The following KCTD17 variants were observed in gnomAD, a reference collection of about 807,000 sequenced individuals.
KCTD17 encodes the protein BTB/POZ domain-containing protein KCTD17.
KCTD17 carries 20 observed loss-of-function variants against 41.5 expected under a neutral mutation model. That is an observed-to-expected ratio of 0.48 (90% CI 0.34 to 0.70). The LOEUF (loss-of-function observed/expected upper bound fraction) is 0.70, where lower values mean the gene tolerates loss of function less well. Among genes scored for constraint, KCTD17 ranks in the 30% least tolerant of loss-of-function variants. KCTD17 has a pLI of 0.01. For missense variants in KCTD17, 317 were observed against 427.2 expected (o/e 0.74, Z 2.27); for synonymous variants, 156 against 173.8 (o/e 0.90, Z 0.80).
intron 1 of KCTD17, 168 bp from the exon 2 acceptor site, chr22:37,052,932 C>T (rs1924665149): frequency 1.7e-6 from 1 of 603,114 alleles, no homozygotes; most frequent in Non-Finnish European, 3.0e-6. Flanking sequence ...GAGTCAGAAG[C>T]AGGGCTTGAA....
chr22:37,061,464 G>C lies in KCTD17; in HGVS notation c.785-75G>C, dbSNP rs1027290906. 2.0e-6 allele frequency: 3 copies of C among 1,534,296 alleles called. No homozygotes were observed. The highest frequency in any genetic ancestry group is 2.6e-6 in the Non-Finnish European group (3 of 1,143,430). ...CCCACTAACCCTGCCGGGCACCTCT[G>C]AGACTGGGCCCTGGCTGCAGGCCCT... On this transcript the variant is annotated intron_variant, in intron 7 of 8. Coordinates refer to ENST00000403888, the MANE Select transcript of KCTD17 (RefSeq NM_001282684.2). This position sits in a 1 kb window ranked among gnomAD's most constrained non-coding sequence, Gnocchi z 6.6.
At position 37,062,520 on chromosome 22, in the gene KCTD17, T is replaced by C. The variant is rs1925917025; in HGVS notation, c.876-5T>C. 2.5e-6 allele frequency: 4 copies of C among 1,612,542 alleles called. No individual in the cohort carries two copies. The highest frequency in any genetic ancestry group is 2.5e-6 in the Non-Finnish European group (3 of 1,179,552). ...CCTCCTGCCCTTCCCCTCTTTTTTT[T>C]CTAGCTGTTACAAGCCAGAGGCACC... On this transcript the variant is annotated splice_region_variant and splice_polypyrimidine_tract_variant and intron_variant, in intron 8 of 8. Transcript: ENST00000403888.
At chr22:37,054,509 G>C (rs1039234795) in intron 2 of KCTD17, among the ~76,000 whole-genome samples, 7 of 151,972 alleles carry the variant, frequency 4.6e-5, no homozygotes, top group Non-Finnish European at 7.4e-5. Context: ...GATCACGCAG[G>C]GCTATCCGGG....
rs1925673185 is a variant in KCTD17 at position 37,060,689 on chromosome 22, G to T, written c.613-134G>T. 3 of 1,314,912 alleles carry T rather than the reference G, an allele frequency of 2.3e-6. No homozygotes were observed. In the East Asian group the frequency reaches 8.2e-5, roughly 36 times the overall value. 81.5% of individuals were successfully genotyped at this position (1,314,912 alleles called of 1,614,324 possible). A position where few individuals can be genotyped will look rare whatever the true frequency, so the allele number is the denominator to read the frequency against. On this transcript the variant is annotated intron_variant, in intron 5 of 8. Transcript: ENST00000403888. ...CGGAGAAGATGCCCCCAGCTTCTGT[G>T]GCTGGAGCCCTCCCCTCTCCTGAGG...
chr22:37,060,700 T>A lies in KCTD17; in HGVS notation c.613-123T>A, dbSNP rs865995763. ...CCCCCAGCTTCTGTGGCTGGAGCCCTCCCCTCTCCTGAGGTCCCTTTCACC... is the reference window on the plus strand; with the variant it reads ...CCCCCAGCTTCTGTGGCTGGAGCCCACCCCTCTCCTGAGGTCCCTTTCACC... On this transcript the variant is annotated intron_variant, in intron 5 of 8. Coordinates refer to ENST00000403888, the MANE Select transcript of KCTD17 (RefSeq NM_001282684.2). 6.4e-5 allele frequency: 87 copies of A among 1,357,256 alleles called. 1 individual carries two copies. The South Asian group carries it at 1.1e-3, about 17-fold the overall frequency. The allele number at this position is 1,357,256 out of a possible 1,614,324, so 84.1% of individuals were successfully genotyped here.
At chr22:37,059,472 A>C (rs146468443) in intron 5 of KCTD17, 34 bp downstream of exon 5, 1 of 1,584,542 alleles carries the variant, frequency 6.3e-7, no homozygotes, top group South Asian at 1.1e-5. Context: ...TGTCCGGAGA[A>C]GTCTCCTGTC....
At chr22:37,052,263 AG>A in intron 1 of KCTD17, 1 of 400,602 alleles carries the variant, frequency 2.5e-6, no homozygotes, top group South Asian at 2.3e-5. Context: ...TCCCTCCCAA[AG>A]GGGACTCCTG....
intron 4 of KCTD17, among the ~76,000 whole-genome samples, chr22:37,058,930 C>T (rs1925449091): frequency 6.6e-6 from 1 of 152,230 alleles, no homozygotes; most frequent in African/African-American, 2.4e-5. Context: ...TGTCCTGGGG[C>T]TGTGTCAGCC....
chr22:37,061,164 T>G lies in KCTD17; in HGVS notation c.773T>G (p.Leu258Arg), dbSNP rs1169925924. ...FSLPPLPPPP[L>R]PAGGSRPHPL... ...CTCCCACCACTGCCTCCTCCTCCGC[T>G]TCCCGCTGGAGGTCCTGCCTCATCT... The change falls in exon 7 of 9, where the codon CTT becomes CGT. Residue 258 changes from leucine to arginine, a missense_variant. Coordinates refer to ENST00000403888, the MANE Select transcript of KCTD17 (RefSeq NM_001282684.2). This position sits in a 1 kb window ranked among gnomAD's most constrained non-coding sequence, Gnocchi z 6.6. 4 of 1,550,918 alleles carry G rather than the reference T, an allele frequency of 2.6e-6. No individual in the cohort carries two copies. The highest frequency in any genetic ancestry group is 1.7e-4 in the Middle Eastern group (1 of 5,992).
intron 5 of KCTD17, among the ~76,000 whole-genome samples, chr22:37,060,369 C>T (rs989063872): frequency 6.6e-6 from 1 of 152,120 alleles, no homozygotes; most frequent in South Asian, 2.1e-4. Context: ...CCTTCTGCCT[C>T]TTTGGGCCAA....
rs1156247404 is a variant in KCTD17 at position 37,052,334 on chromosome 22, G to A, written c.189+385G>A. On this transcript the variant is annotated intron_variant, in intron 1 of 8. Transcript: ENST00000403888. The stretch of plus-strand genomic sequence containing the variant: ...GCTCTTTGGGATGTGGGTGGCGGAG[G>A]GGTGCAGGGAGCTAGCTGGATGGAG... The A allele has an allele frequency of 1.4e-5, 5 of 356,856 alleles. No individual in the cohort carries two copies. The East Asian group carries it at 3.6e-4, about 26-fold the overall frequency. 22.1% of individuals were successfully genotyped at this position (356,856 alleles called of 1,614,324 possible).
At chr22:37,059,935 C>T (rs1925581716) in intron 5 of KCTD17, among the ~76,000 whole-genome samples, 2 of 152,218 alleles carry the variant, frequency 1.3e-5, no homozygotes, top group Admixed American at 1.3e-4. Flanking sequence ...GATGAGGAAG[C>T]CACCGCTGTA....
chr22:37,052,414 G>T, intron 1 of KCTD17: 1 of 415,758 alleles, frequency 2.4e-6, no homozygotes, highest in Non-Finnish European at 4.9e-6. Context: ...TTGGCCCAGC[G>T]GGCACTATTT....
chr22:37,059,560 A>T (rs746534079), intron 5 of KCTD17, 122 bp downstream of exon 5: 33 of 1,180,666 alleles, frequency 2.8e-5, no homozygotes, highest in Non-Finnish European at 3.7e-5. Flanking sequence ...GCCCATGCAC[A>T]ACCCCATGCT....
Position 37,061,468 on chromosome 22 carries a change from C to A in KCTD17, c.785-71C>A. On this transcript the variant is annotated intron_variant, in intron 7 of 8. Coordinates refer to ENST00000403888, the MANE Select transcript of KCTD17 (RefSeq NM_001282684.2). This position sits in a 1 kb window ranked among gnomAD's most constrained non-coding sequence, Gnocchi z 6.6. ...CTAACCCTGCCGGGCACCTCTGAGACTGGGCCCTGGCTGCAGGCCCTGCCC... is the reference window on the plus strand; with the variant it reads ...CTAACCCTGCCGGGCACCTCTGAGAATGGGCCCTGGCTGCAGGCCCTGCCC... 6.5e-7 allele frequency: 1 copy of A among 1,537,430 alleles called. No individual in the cohort carries two copies.
In KCTD17 at chr22:37,061,453, C is replaced by G; in HGVS notation, c.785-86C>G. On this transcript the variant is annotated intron_variant, in intron 7 of 8. Coordinates refer to ENST00000403888, the MANE Select transcript of KCTD17 (RefSeq NM_001282684.2). The surrounding 1 kb of genome is among the most constrained non-coding windows in gnomAD (Gnocchi z 6.6). ...CCTCCTCTGTGCCCACTAACCCTGC[C>G]GGGCACCTCTGAGACTGGGCCCTGG... 3 of 1,516,096 alleles carry G rather than the reference C, an allele frequency of 2.0e-6. No homozygotes were observed. The highest frequency in any genetic ancestry group is 2.0e-5 in the Admixed American group (1 of 50,676). The allele number at this position is 1,516,096 out of a possible 1,614,324, so 93.9% of individuals were successfully genotyped here. A position where few individuals can be genotyped will look rare whatever the true frequency, so the allele number is the denominator to read the frequency against.
rs781509283 is a variant in KCTD17, at chr22:37,061,192, A to C, written c.784+17A>C. The C allele has an allele frequency of 6.4e-7, 1 of 1,550,430 alleles. No homozygotes were observed. Among genetic ancestry groups the C allele is most frequent in the East Asian group, 2.4e-5 (1 of 40,854 alleles). ...CCGCTGGAGGTCCTGCCTCATCTTC[A>C]TCCACCTCTTCTTCCTCCTGGATCT... On this transcript the variant is annotated intron_variant, in intron 7 of 8. Transcript: ENST00000403888. The surrounding 1 kb of genome is among the most constrained non-coding windows in gnomAD (Gnocchi z 6.6).
In KCTD17 at chr22:37,061,736, A is replaced by T; in HGVS notation, c.875+107A>T. The T allele has an allele frequency of 6.8e-7, 1 of 1,474,156 alleles. No homozygotes were observed. Among genetic ancestry groups the T allele is most frequent in the Non-Finnish European group, 9.0e-7 (1 of 1,107,376 alleles). 91.3% of individuals were successfully genotyped at this position (1,474,156 alleles called of 1,614,324 possible). ...TCGGCTGATTATCTCCACCCACCAA[A>T]GTTTCTCATCCGACCTTGGCCTTGG... is the stretch of plus-strand genomic sequence containing the variant. On this transcript the variant is annotated intron_variant, in intron 8 of 8. Transcript: ENST00000403888. This position sits in a 1 kb window ranked among gnomAD's most constrained non-coding sequence, Gnocchi z 6.6.
At chr22:37,057,838 G>A (rs1173989860) in intron 4 of KCTD17, among the ~76,000 whole-genome samples, 1 of 152,222 alleles carries the variant, frequency 6.6e-6, no homozygotes, top group African/African-American at 2.4e-5. Context: ...ATCCACATAG[G>A]TGAGTGGAGT....
Sources: gnomAD v4.1 joint callset for allele counts (sites outside exome capture counted in the v4.1 genomes callset) on GRCh38, gnomAD v4.1.1 for gene constraint, Gnocchi (gnomAD v3.1) non-coding constraint, MANE v1.5 for transcripts, NCBI Gene and HGNC (gene_info 2026-07-23, HGNC 2026-07-21) for gene names.